NRXN1: variants seen among roughly 807,000 people sequenced by gnomAD.
NRXN1 encodes the protein neurexin-1.
In NRXN1, 39 loss-of-function variants were observed where a neutral mutation model predicts 150.9. The observed-to-expected ratio is 0.26, with a 90% confidence interval of 0.20 to 0.34. The LOEUF is 0.34. Ranked by LOEUF, NRXN1 falls within the 10% of genes least tolerant of loss-of-function variation. The pLI is 1.00. For synonymous variants in NRXN1, 924 were observed against 757.0 expected (o/e 1.22, Z -3.62); for missense variants, 1,815 against 1,949.9 (o/e 0.93, Z 1.30).
chr2:50,266,206 C>T (rs1377795490), intron 17 of NRXN1, among the ~76,000 whole-genome samples: 2 of 148,970 alleles, frequency 1.3e-5, no homozygotes, highest in African/African-American at 4.9e-5. Context: ...ACCATGTTGG[C>T]CGGGTTGGTC....
chr2:50,174,742 T>A (rs928760238), intron 18 of NRXN1: 2 of 152,128 alleles, frequency 1.3e-5, no homozygotes, highest in African/African-American at 2.4e-5. Context: ...TTACTATATG[T>A]CAAGCTCTTA....
chr2:50,263,487 G>A (rs1394758220), intron 17 of NRXN1, among the ~76,000 whole-genome samples: 2 of 151,978 alleles, frequency 1.3e-5, no homozygotes, highest in African/African-American at 4.8e-5. Flanking sequence ...AAACACATAT[G>A]AACAATTCTG....
intron 17 of NRXN1, among the ~76,000 whole-genome samples, chr2:50,288,073 A>G (rs986173185): frequency 6.6e-6 from 1 of 152,038 alleles, no homozygotes; most frequent in African/African-American, 2.4e-5. Flanking sequence ...TATCCAGTGG[A>G]AAAAAAACTC....
intron 5 of NRXN1, among the ~76,000 whole-genome samples, chr2:50,860,132 T>C (rs996128715): frequency 6.6e-5 from 10 of 150,702 alleles, no homozygotes; most frequent in African/African-American, 1.9e-4. Flanking sequence ...TACAAGAAGA[T>C]CATAACTCTC....
At chr2:50,255,952 T>G (rs2067659341) in intron 17 of NRXN1, among the ~76,000 whole-genome samples, 1 of 152,200 alleles carries the variant, frequency 6.6e-6, no homozygotes, top group Non-Finnish European at 1.5e-5. Flanking sequence ...CTTGGAATAC[T>G]GAAGTCACAG....
rs531457351 is a variant in NRXN1, at chr2:50,343,109, C to G, written c.3365-106139G>C. Among the ~76,000 whole-genome samples, 7 of 152,318 alleles carry G rather than the reference C, an allele frequency of 4.6e-5. No individual in the cohort carries two copies. The East Asian group carries it at 9.6e-4, about 21-fold the overall frequency. On this transcript the variant is annotated intron_variant, in intron 17 of 22. Transcript: ENST00000401669. The stretch of plus-strand genomic sequence containing the variant: ...TTCCTTCTGGGAAAGCCCTTTTGCC[C>G]TTTAATAGTGTAAGCTAATCATGGC...
At chr2:50,677,948 T>C (rs1326265654) in intron 5 of NRXN1, among the ~76,000 whole-genome samples, 1 of 152,140 alleles carries the variant, frequency 6.6e-6, no homozygotes, top group Non-Finnish European at 1.5e-5. Flanking sequence ...TAGAAACATG[T>C]ATTCTAGAAA....
intron 21 of NRXN1, among the ~76,000 whole-genome samples, chr2:49,997,268 A>C (rs2152528340): frequency 6.6e-6 from 1 of 152,316 alleles, no homozygotes; most frequent in South Asian, 2.1e-4. Flanking sequence ...GAATCATTGA[A>C]GTGTGACTAT....
At chr2:50,904,370 G>A (rs1042400455) in intron 5 of NRXN1, among the ~76,000 whole-genome samples, 6 of 152,112 alleles carry the variant, frequency 3.9e-5, no homozygotes, top group African/African-American at 1.4e-4. Context: ...AAGGTATCTT[G>A]AAATCCCTAA....
intron 21 of NRXN1, among the ~76,000 whole-genome samples, chr2:50,009,548 A>G (rs1242894618): frequency 2.0e-5 from 3 of 152,164 alleles, no homozygotes; most frequent in Non-Finnish European, 4.4e-5. Flanking sequence ...TCCTTTAGAA[A>G]TGCAAAAACT....
intron 18 of NRXN1, among the ~76,000 whole-genome samples, chr2:50,219,956 A>ATATAT (rs1553776177): frequency 0.024 from 1,953 of 82,454 alleles, 125 homozygotes; most frequent in African/African-American, 0.12. Flanking sequence ...TATATATAAT[A>ATATAT]TATATATTAT....
At chr2:50,513,875 C>T (rs2092546517) in intron 12 of NRXN1, among the ~76,000 whole-genome samples, 1 of 151,938 alleles carries the variant, frequency 6.6e-6, no homozygotes, top group Non-Finnish European at 1.5e-5. Context: ...GATGTATGTG[C>T]CCCAAGTGTA....
chr2:50,439,450 A>G (rs943363183), intron 17 of NRXN1, among the ~76,000 whole-genome samples: 1 of 152,218 alleles, frequency 6.6e-6, no homozygotes, highest in Non-Finnish European at 1.5e-5. Context: ...TACATGCAGT[A>G]GCAGTTCTGA....
chr2:50,550,794 G>C (rs866255253), intron 9 of NRXN1, among the ~76,000 whole-genome samples: 10 of 151,600 alleles, frequency 6.6e-5, no homozygotes, highest in Non-Finnish European at 1.5e-4. Context: ...CCATTCTCCT[G>C]CCTCAGCCTC....
At chr2:50,304,825 G>A (rs1161163132) in intron 17 of NRXN1, among the ~76,000 whole-genome samples, 1 of 152,066 alleles carries the variant, frequency 6.6e-6, no homozygotes, top group Non-Finnish European at 1.5e-5. Flanking sequence ...GAGTGTGGTG[G>A]CTCACGCTAT....
intron 19 of NRXN1, among the ~76,000 whole-genome samples, chr2:50,070,780 A>AC (rs975840994): frequency 1.3e-5 from 2 of 150,670 alleles, no homozygotes; most frequent in Admixed American, 6.6e-5. Context: ...AAAAAAAAAA[A>AC]AAAAAAAAAC....
intron 19 of NRXN1, among the ~76,000 whole-genome samples, chr2:50,073,257 G>A (rs1474156456): frequency 6.6e-6 from 1 of 152,118 alleles, no homozygotes; most frequent in Non-Finnish European, 1.5e-5. Flanking sequence ...GAAATCATGT[G>A]TTATCTGCAA....
intron 8 of NRXN1, among the ~76,000 whole-genome samples, chr2:50,569,461 CAA>C (rs1225605327): frequency 6.6e-6 from 1 of 151,804 alleles, no homozygotes; most frequent in East Asian, 1.9e-4. Context: ...ATAATGACCC[CAA>C]GAGTAGATTC....
At chr2:50,015,664 G>A (rs1468946723) in intron 21 of NRXN1, among the ~76,000 whole-genome samples, 2 of 151,776 alleles carry the variant, frequency 1.3e-5, no homozygotes, top group Non-Finnish European at 2.9e-5. Flanking sequence ...AATAATGAAT[G>A]AAAAACAAGA....
Sources: gnomAD v4.1 joint callset for allele counts (sites outside exome capture counted in the v4.1 genomes callset) on GRCh38, gnomAD v4.1.1 for gene constraint, MANE v1.5 for transcripts, NCBI Gene and HGNC (gene_info 2026-07-23, HGNC 2026-07-21) for gene names.